CELF4: variants seen among roughly 807,000 people sequenced by gnomAD.
CELF4 encodes CUG-BP- and ETR-3-like factor 4.
Under a neutral mutation model 59.9 loss-of-function variants are expected in CELF4, and 18 were observed. The observed-to-expected ratio is 0.30, with a 90% CI of 0.21 to 0.45. The LOEUF (loss-of-function observed/expected upper bound fraction) is 0.45. Ranked by LOEUF, CELF4 falls within the 20% of genes least tolerant of loss-of-function variation. The probability of loss-of-function intolerance (pLI) is 1.00; values close to 1 mark genes in which losing one functional copy is unlikely to be tolerated. For missense variants in CELF4, 456 were observed against 689.0 expected (o/e 0.66, Z 3.79); for synonymous variants, 261 against 267.1 (o/e 0.98, Z 0.22).
chr18:37,269,510 C>A (rs2090083851), intron 8 of CELF4, among the ~76,000 whole-genome samples: 1 of 152,172 alleles, frequency 6.6e-6, no homozygotes. Flanking sequence ...CTGATGGGCA[C>A]CCAGAGTGGG....
At chr18:37,385,031 G>T (rs2099083648) in intron 2 of CELF4, among the ~76,000 whole-genome samples, 1 of 152,190 alleles carries the variant, frequency 6.6e-6, no homozygotes, top group Non-Finnish European at 1.5e-5. Context: ...CAGGCTGTGT[G>T]TCTGATTTTT....
intron 3 of CELF4, among the ~76,000 whole-genome samples, chr18:37,318,187 C>T (rs1476129908): frequency 6.6e-6 from 1 of 152,064 alleles, no homozygotes; most frequent in Non-Finnish European, 1.5e-5. Flanking sequence ...GGCTGACCCT[C>T]CCCCTCCTTC....
intron 2 of CELF4, among the ~76,000 whole-genome samples, chr18:37,330,880 AG>A (rs1462540370): frequency 6.6e-6 from 1 of 152,170 alleles, no homozygotes; most frequent in Non-Finnish European, 1.5e-5. Context: ...TGGATTAGGA[AG>A]GGTTTATTGA....
In CELF4 at chr18:37,253,762, G is replaced by C; in HGVS notation, c.*44+5C>G. 1 of 1,558,822 alleles carries C rather than the reference G, an allele frequency of 6.4e-7. No individual in the cohort carries two copies. Among genetic ancestry groups the C allele is most frequent in the South Asian group, 1.2e-5 (1 of 86,492 alleles). On this transcript the variant is annotated splice_donor_5th_base_variant and intron_variant, in intron 12 of 12. Coordinates refer to ENST00000420428, the MANE Select transcript of CELF4 (RefSeq NM_020180.4). This position sits in a 1 kb window ranked among gnomAD's most constrained non-coding sequence, Gnocchi z 4.5. Reference sequence around the variant, plus strand: ...CGTCCCCGCGCCCCGGCCGCCCCCGGTTACCTGTGCGAGTCCTGGTCTCCC... The same window carrying C: ...CGTCCCCGCGCCCCGGCCGCCCCCGCTTACCTGTGCGAGTCCTGGTCTCCC...
chr18:37,417,826 C>G (rs1415959324), intron 2 of CELF4, among the ~76,000 whole-genome samples: 1 of 152,190 alleles, frequency 6.6e-6, no homozygotes, highest in African/African-American at 2.4e-5. Flanking sequence ...ATCCTAGACT[C>G]CCTGCAAAGA....
chr18:37,444,697 G>A (rs1454434554), intron 2 of CELF4, among the ~76,000 whole-genome samples: 2 of 151,222 alleles, frequency 1.3e-5, no homozygotes, highest in African/African-American at 4.9e-5. Context: ...AGGTGGGGAG[G>A]TGCAGGGGTG....
rs138158296 is a variant in CELF4 at position 37,331,842 on chromosome 18, G to A, written c.370-9961C>T. Among the ~76,000 whole-genome samples the A allele has an allele frequency of 3.4e-3, 516 of 152,206 alleles. 2 individuals are homozygous for A. The highest frequency in any genetic ancestry group is 6.2e-3 in the Non-Finnish European group (420 of 68,010). ...AAAGGGTGTGCGGCAAGTCGCCGAGGGTGGGAGGACAGGCAGGCAGGTGGA... is the reference window on the plus strand; with the variant it reads ...AAAGGGTGTGCGGCAAGTCGCCGAGAGTGGGAGGACAGGCAGGCAGGTGGA... On this transcript the variant is annotated intron_variant, in intron 2 of 12. Coordinates refer to ENST00000420428, the MANE Select transcript of CELF4 (RefSeq NM_020180.4).
At chr18:37,317,589 C>T (rs753031621) in intron 3 of CELF4, among the ~76,000 whole-genome samples, 6 of 152,150 alleles carry the variant, frequency 3.9e-5, no homozygotes, top group Non-Finnish European at 8.8e-5. Flanking sequence ...TATACTCTTC[C>T]TGGACTCTTC....
At chr18:37,323,105 G>A (rs2097181297) in intron 2 of CELF4, among the ~76,000 whole-genome samples, 1 of 152,162 alleles carries the variant, frequency 6.6e-6, no homozygotes, top group African/African-American at 2.4e-5. Context: ...GCTGCGTCAG[G>A]ACAACTGGGT....
At chr18:37,287,963 T>C (rs1020991400) in intron 3 of CELF4, among the ~76,000 whole-genome samples, 27 of 152,170 alleles carry the variant, frequency 1.8e-4, no homozygotes, top group African/African-American at 5.8e-4. Flanking sequence ...CTTCAGGTAA[T>C]GAGGTCTAAA....
chr18:37,427,850 G>C (rs1418083602), intron 2 of CELF4, among the ~76,000 whole-genome samples: 4 of 152,216 alleles, frequency 2.6e-5, no homozygotes, highest in Admixed American at 6.5e-5. Flanking sequence ...GGGATGGCCT[G>C]GCACTGAAGA....
At chr18:37,539,859 G>T (rs895990914) in intron 1 of CELF4, among the ~76,000 whole-genome samples, 1 of 152,194 alleles carries the variant, frequency 6.6e-6, no homozygotes, top group African/African-American at 2.4e-5. Context: ...TACCAAATTG[G>T]TCATGCTGTC....
At chr18:37,516,195 T>A (rs1033532649) in intron 1 of CELF4, among the ~76,000 whole-genome samples, 1 of 152,200 alleles carries the variant, frequency 6.6e-6, no homozygotes, top group African/African-American at 2.4e-5. Context: ...CATCCCTTCC[T>A]GCCCCCTGGT....
chr18:37,292,085 G>A (rs1192195455), intron 3 of CELF4, among the ~76,000 whole-genome samples: 4 of 151,818 alleles, frequency 2.6e-5, no homozygotes, highest in Non-Finnish European at 4.4e-5. Context: ...TTTCCACCAC[G>A]TGCAATTACA....
At chr18:37,360,368 G>T (rs1372597343) in intron 2 of CELF4, among the ~76,000 whole-genome samples, 1 of 152,180 alleles carries the variant, frequency 6.6e-6, no homozygotes, top group Non-Finnish European at 1.5e-5. Flanking sequence ...CCCACCGGCT[G>T]CACAGGAACC....
At chr18:37,275,074 C>A in intron 4 of CELF4, 41 bp downstream of exon 4, 2 of 1,606,784 alleles carry the variant, frequency 1.2e-6, no homozygotes, top group Non-Finnish European at 1.7e-6. Flanking sequence ...TCCGCCTCGC[C>A]CCTCCCTCCG....
At chr18:37,359,470 T>G (rs757601954) in intron 2 of CELF4, among the ~76,000 whole-genome samples, 45 of 152,128 alleles carry the variant, frequency 3.0e-4, no homozygotes, top group African/African-American at 1.0e-3. Flanking sequence ...GCCTCCCAAA[T>G]AGCTGGGCTG....
chr18:37,438,591 T>C (rs1488908280), intron 2 of CELF4, among the ~76,000 whole-genome samples: 1 of 152,158 alleles, frequency 6.6e-6, no homozygotes, highest in African/African-American at 2.4e-5. Flanking sequence ...GGGTCATGTT[T>C]ACCCTGGTGC....
chr18:37,339,753 CAA>C (rs1300133217), intron 2 of CELF4, among the ~76,000 whole-genome samples: 23 of 69,288 alleles, frequency 3.3e-4, no homozygotes, highest in Admixed American at 3.3e-4. Flanking sequence ...GACTCTGTCT[CAA>C]AAAAAAAAAA....
Sources: gnomAD v4.1 joint callset for allele counts (sites outside exome capture counted in the v4.1 genomes callset) on GRCh38, gnomAD v4.1.1 for gene constraint, Gnocchi (gnomAD v3.1) non-coding constraint, MANE v1.5 for transcripts, NCBI Gene and HGNC (gene_info 2026-07-23, HGNC 2026-07-21) for gene names.